Variants in RABGAP1L observed in about 807,000 individuals in gnomAD.
RABGAP1L encodes the protein rab GTPase-activating protein 1-like.
Under a neutral mutation model 137.7 loss-of-function variants are expected in RABGAP1L, and 63 were observed. The observed-to-expected ratio is 0.46, with a 90% CI of 0.37 to 0.56. The LOEUF is 0.56. Among genes scored for constraint, RABGAP1L ranks in the 20% least tolerant of loss-of-function variants. RABGAP1L has a pLI of 0.00. For missense variants in RABGAP1L, 1,095 were observed against 1,244.0 expected (o/e 0.88, Z 1.80); for synonymous variants, 431 against 433.7 (o/e 0.99, Z 0.08).
At chr1:174,533,033 G>C (rs1183371498) in intron 13 of RABGAP1L, among the ~76,000 whole-genome samples, 4 of 152,188 alleles carry the variant, frequency 2.6e-5, no homozygotes, top group African/African-American at 9.6e-5. Context: ...GGGAGATCAA[G>C]GCCATCCTGG....
chr1:174,296,652 G>A (rs1409625437), intron 10 of RABGAP1L, among the ~76,000 whole-genome samples: 3 of 152,014 alleles, frequency 2.0e-5, no homozygotes, highest in African/African-American at 2.4e-5. Context: ...TGAGAATTTC[G>A]GAAAGTTCCC....
intron 11 of RABGAP1L, among the ~76,000 whole-genome samples, chr1:174,364,981 G>C (rs1558168674): frequency 1.3e-5 from 2 of 152,150 alleles, no homozygotes; most frequent in Admixed American, 6.5e-5. Flanking sequence ...TTATTCTACT[G>C]TGAGTGACCT....
In RABGAP1L at chr1:174,448,724, G is replaced by A. The variant is rs751772374; in HGVS notation, c.1710+54579G>A. 5.0e-6 allele frequency: 8 copies of A among 1,613,760 alleles called. No individual in the cohort carries two copies. The Admixed American group carries it at 1.3e-4, about 27-fold the overall frequency. On this transcript the variant is annotated intron_variant, in intron 13 of 25. Coordinates refer to ENST00000681986, the MANE Select transcript of RABGAP1L (RefSeq NM_001366446.1). The surrounding 1 kb of genome is among the most constrained non-coding windows in gnomAD (Gnocchi z 4.2). ...TTGGCTCACCAGTGCCTATTTTACT[G>A]GCTTTATTGTTTGTTTACTTTATGC...
intron 11 of RABGAP1L, among the ~76,000 whole-genome samples, chr1:174,318,044 T>TG (rs1679558816): frequency 1.5e-5 from 2 of 130,372 alleles, no homozygotes; most frequent in South Asian, 2.3e-4. Context: ...AGTTCAGGAC[T>TG]GTTTTTTTTT....
At chr1:174,975,968 C>T (rs916636854) in intron 21 of RABGAP1L, 110 bp from the exon 22 acceptor site, 28 of 956,030 alleles carry the variant, frequency 2.9e-5, no homozygotes, top group Non-Finnish European at 4.3e-5. Context: ...TAATGACTTG[C>T]AATAATTTTG....
Position 174,896,012 on chromosome 1 carries a change from C to T in RABGAP1L, c.2341-61445C>T, listed in dbSNP as rs1038063022. On this transcript the variant is annotated intron_variant, in intron 19 of 25. Coordinates refer to ENST00000681986, the MANE Select transcript of RABGAP1L (RefSeq NM_001366446.1). Reference sequence around the variant, plus strand: ...TTCTAGTTCTAGATCCTTGAGGAATCGCCTCATTGTCTTCCACAGTGGGTG... The same window carrying T: ...TTCTAGTTCTAGATCCTTGAGGAATTGCCTCATTGTCTTCCACAGTGGGTG... Among the ~76,000 whole-genome samples, 34 of 152,278 alleles carry T rather than the reference C, an allele frequency of 2.2e-4. 1 individual carries two copies. The highest frequency in any genetic ancestry group is 7.2e-4 in the African/African-American group (30 of 41,544).
At chr1:174,654,293 C>T (rs973710260) in intron 14 of RABGAP1L, among the ~76,000 whole-genome samples, 7 of 152,130 alleles carry the variant, frequency 4.6e-5, no homozygotes, top group Admixed American at 1.3e-4. Context: ...CAGTTGGGCC[C>T]TCGTTCAATT....
At chr1:174,532,994 G>A (rs1297999541) in intron 13 of RABGAP1L, among the ~76,000 whole-genome samples, 1 of 152,184 alleles carries the variant, frequency 6.6e-6, no homozygotes, top group Non-Finnish European at 1.5e-5. Flanking sequence ...CAGCACTTTG[G>A]GAGGCCGAGG....
At chr1:174,225,067 A>G (rs906924721) in intron 3 of RABGAP1L, among the ~76,000 whole-genome samples, 3 of 152,042 alleles carry the variant, frequency 2.0e-5, no homozygotes, top group African/African-American at 7.2e-5. Context: ...TCTGGGACTC[A>G]GTAGACAAAA....
intron 20 of RABGAP1L, chr1:174,964,792 T>G: frequency 7.3e-7 from 1 of 1,365,446 alleles, no homozygotes; most frequent in Non-Finnish European, 9.5e-7. Flanking sequence ...CATTGAATGT[T>G]TGCGGTCACA....
intron 13 of RABGAP1L, among the ~76,000 whole-genome samples, chr1:174,437,338 G>A (rs1029563454): frequency 6.6e-6 from 1 of 152,002 alleles, no homozygotes; most frequent in Non-Finnish European, 1.5e-5. Flanking sequence ...TTAGATGAAT[G>A]GATAACTAGA....
At position 174,948,184 on chromosome 1, in the gene RABGAP1L, CTA is replaced by C. The variant is rs1243608085; in HGVS notation, c.2341-9270_2341-9269del. Among the ~76,000 whole-genome samples the C allele has an allele frequency of 5.9e-5, 9 of 152,046 alleles. No individual in the cohort carries two copies. The East Asian group carries it at 1.7e-3, about 29-fold the overall frequency. On this transcript the variant is annotated intron_variant, in intron 19 of 25. Transcript: ENST00000681986. ...CGTGTATGATAGCGCAGCAGGATGA[CTA>C]TAGTCAATAATAATTAATTGTACAT...
intron 21 of RABGAP1L, among the ~76,000 whole-genome samples, chr1:174,972,784 G>A (rs111690159): frequency 1.3e-5 from 2 of 149,270 alleles, no homozygotes; most frequent in African/African-American, 5.0e-5. Context: ...AACCTGGGAG[G>A]TGGAGGTTGC....
At chr1:174,383,048 G>C (rs1173288923) in intron 12 of RABGAP1L, among the ~76,000 whole-genome samples, 31 of 149,334 alleles carry the variant, frequency 2.1e-4, no homozygotes, top group African/African-American at 4.8e-4. Flanking sequence ...AATACCCTGC[G>C]ATGTGAGGTG....
At chr1:174,734,954 C>CTTT (rs756783714) in intron 17 of RABGAP1L, among the ~76,000 whole-genome samples, 24 of 96,096 alleles carry the variant, frequency 2.5e-4, no homozygotes, top group South Asian at 6.3e-4. Context: ...GGATCTCTCT[C>CTTT]TTTTTTTTTT....
At chr1:174,699,363 G>T (rs1191549235) in intron 15 of RABGAP1L, among the ~76,000 whole-genome samples, 162 bp from the exon 16 acceptor site, 1 of 152,188 alleles carries the variant, frequency 6.6e-6, no homozygotes, top group Non-Finnish European at 1.5e-5. Context: ...TTCATCTCAA[G>T]TAAGGAGGTC....
chr1:174,474,574 A>G (rs527588573), intron 13 of RABGAP1L, among the ~76,000 whole-genome samples: 1 of 152,156 alleles, frequency 6.6e-6, no homozygotes, highest in South Asian at 2.1e-4. Context: ...CATAATATCG[A>G]ACCTCTCTGA....
At chr1:174,327,962 T>TATATATATACAC (rs1558135773) in intron 11 of RABGAP1L, among the ~76,000 whole-genome samples, 20 of 12,908 alleles carry the variant, frequency 1.5e-3, no homozygotes, top group African/African-American at 9.7e-3. Flanking sequence ...TGTAAATATA[T>TATATATATACAC]ATATATATAT....
chr1:174,288,129 A>G (rs1239650276), intron 10 of RABGAP1L, among the ~76,000 whole-genome samples: 1 of 152,166 alleles, frequency 6.6e-6, no homozygotes, highest in Non-Finnish European at 1.5e-5. Flanking sequence ...CTCATATTTT[A>G]GGTTATTGAT....
Sources: allele counts gnomAD v4.1 joint callset (sites outside exome capture counted in the v4.1 genomes callset), GRCh38; gene constraint gnomAD v4.1.1; non-coding constraint Gnocchi (gnomAD v3.1); transcripts MANE v1.5; gene names NCBI Gene and HGNC (gene_info 2026-07-23, HGNC 2026-07-21).